The following PPP1R12B variants were observed in gnomAD, a reference collection of about 807,000 sequenced individuals.
PPP1R12B encodes myosin phosphatase target subunit 2.
PPP1R12B carries 76 observed loss-of-function variants against 126.1 expected under a neutral mutation model. The observed-to-expected ratio is 0.60, with a 90% CI of 0.50 to 0.73. PPP1R12B has a LOEUF of 0.73. Ranked by LOEUF, PPP1R12B falls within the 30% of genes least tolerant of loss-of-function variation. The pLI is 0.00. For missense variants in PPP1R12B, 1,052 were observed against 1,205.1 expected (o/e 0.87, Z 1.88); for synonymous variants, 356 against 434.7 (o/e 0.82, Z 2.25).
chr1:202,571,718 A>C (rs1416047324), intron 23 of PPP1R12B, among the ~76,000 whole-genome samples: 2 of 152,190 alleles, frequency 1.3e-5, no homozygotes. Context: ...GGCCTCCCAA[A>C]GTGCTGTGAT....
rs1671279320 is a variant in PPP1R12B at position 202,439,258 on chromosome 1, T to C, written c.1458+1234T>C. On this transcript the variant is annotated intron_variant, in intron 10 of 23. Coordinates refer to ENST00000608999, the MANE Select transcript of PPP1R12B (RefSeq NM_002481.4). ...CATCCAGACAATATCAAGGCTGTCC[T>C]CCACAGAGGCAAGATACTGGCCCAG... The C allele has an allele frequency of 7.2e-6, 10 of 1,390,122 alleles. No individual in the cohort carries two copies. In the Admixed American group the frequency reaches 1.6e-4, roughly 22 times the overall value. The allele number at this position is 1,390,122 out of a possible 1,614,324, so 86.1% of individuals were successfully genotyped here. A position where few individuals can be genotyped will look rare whatever the true frequency, so the allele number is the denominator to read the frequency against.
At chr1:202,562,242 G>A (rs1321264628) in intron 19 of PPP1R12B, among the ~76,000 whole-genome samples, 1 of 152,172 alleles carries the variant, frequency 6.6e-6, no homozygotes, top group Non-Finnish European at 1.5e-5. Context: ...CTAGCTATTT[G>A]GGCACTGTGT....
chr1:202,588,866 GATAGATAT>G lies in PPP1R12B; in HGVS notation c.*8307_*8314del, dbSNP rs1558412799. ...AGATAGATAGATAGATAGATAGATA[GATAGATAT>G]CAAGGTTCCAAGCTTCAAGTAACCA... On this transcript the variant is annotated 3_prime_UTR_variant, in exon 24 of 24. Coordinates refer to ENST00000608999, the MANE Select transcript of PPP1R12B (RefSeq NM_002481.4). The G allele has an allele frequency of 1.4e-5, 2 of 143,434 alleles. No individual in the cohort carries two copies. The highest frequency in any genetic ancestry group is 5.9e-5 in the African/African-American group (2 of 34,120). 8.9% of individuals were successfully genotyped at this position (143,434 alleles called of 1,614,324 possible).
At chr1:202,374,347 T>C (rs1660788643) in intron 1 of PPP1R12B, among the ~76,000 whole-genome samples, 1 of 152,170 alleles carries the variant, frequency 6.6e-6, no homozygotes, top group African/African-American at 2.4e-5. Flanking sequence ...AACTATGTGC[T>C]AGATACCTAG....
intron 23 of PPP1R12B, among the ~76,000 whole-genome samples, chr1:202,571,770 T>C (rs1372327446): frequency 6.6e-6 from 1 of 152,164 alleles, no homozygotes; most frequent in African/African-American, 2.4e-5. Flanking sequence ...CTGATTTTTT[T>C]TTTAGTTAAA....
chr1:202,437,591 G>C (rs535475763), intron 9 of PPP1R12B, among the ~76,000 whole-genome samples: 110 of 152,324 alleles, frequency 7.2e-4, no homozygotes, highest in Non-Finnish European at 1.4e-3. Context: ...TAGGAGCACT[G>C]TGTGAAGAAT....
chr1:202,434,856 A>G (rs1670600762), intron 9 of PPP1R12B, 88 bp downstream of exon 9: 1 of 1,539,276 alleles, frequency 6.5e-7, no homozygotes. Context: ...ACATTCTTGC[A>G]AAATAATAAA....
intron 18 of PPP1R12B, chr1:202,502,371 A>G: frequency 1.0e-6 from 1 of 985,104 alleles, no homozygotes; most frequent in Non-Finnish European, 1.2e-6. Context: ...CACAATTGGA[A>G]TTTGCTAGCA....
intron 1 of PPP1R12B, among the ~76,000 whole-genome samples, chr1:202,354,284 A>T (rs908683594): frequency 5.3e-5 from 8 of 152,184 alleles, no homozygotes; most frequent in Admixed American, 3.3e-4. Flanking sequence ...CCCTCAGCCC[A>T]TGACAGTCAT....
At chr1:202,354,312 C>T (rs1656624410) in intron 1 of PPP1R12B, among the ~76,000 whole-genome samples, 1 of 152,060 alleles carries the variant, frequency 6.6e-6, no homozygotes, top group Non-Finnish European at 1.5e-5. Context: ...TTATTTTGTC[C>T]CAATAATCAC....
At chr1:202,436,166 C>T (rs977463229) in intron 9 of PPP1R12B, among the ~76,000 whole-genome samples, 82 of 151,958 alleles carry the variant, frequency 5.4e-4, no homozygotes, top group African/African-American at 1.6e-3. Context: ...ACTGGGAGGC[C>T]GAGGTGGGAG....
At chr1:202,564,885 G>C (rs938401034) in intron 21 of PPP1R12B, among the ~76,000 whole-genome samples, 2 of 152,082 alleles carry the variant, frequency 1.3e-5, no homozygotes, top group Non-Finnish European at 2.9e-5. Context: ...TTATGTTTCA[G>C]TTCAGTTTAT....
intron 1 of PPP1R12B, among the ~76,000 whole-genome samples, chr1:202,350,613 C>G (rs79173204): frequency 6.6e-6 from 1 of 150,924 alleles, no homozygotes; most frequent in Non-Finnish European, 1.5e-5. Flanking sequence ...TCTTGTTTTT[C>G]TTTTTCTTTT....
At chr1:202,575,220 G>T (rs1688987387) in intron 23 of PPP1R12B, 2 of 1,485,982 alleles carry the variant, frequency 1.3e-6, no homozygotes, top group Admixed American at 4.2e-5. Context: ...GAAGCTCTGT[G>T]CTCATCCCCT....
At chr1:202,558,949 C>A (rs543546638) in intron 19 of PPP1R12B, 56 bp downstream of exon 19, 6 of 1,491,074 alleles carry the variant, frequency 4.0e-6, no homozygotes, top group South Asian at 1.3e-5. Context: ...GAATGCATGT[C>A]GAATTAAACT....
intron 18 of PPP1R12B, among the ~76,000 whole-genome samples, chr1:202,522,529 A>G (rs1377193836): frequency 6.6e-6 from 1 of 152,084 alleles, no homozygotes; most frequent in East Asian, 1.9e-4. Context: ...CTTTCACTCC[A>G]TTCAATAGAG....
chr1:202,482,330 C>T (rs1248340910), intron 13 of PPP1R12B, among the ~76,000 whole-genome samples: 2 of 152,188 alleles, frequency 1.3e-5, no homozygotes, highest in East Asian at 3.8e-4. Flanking sequence ...TCCACAATGG[C>T]TGTACTAGCT....
intron 1 of PPP1R12B, among the ~76,000 whole-genome samples, chr1:202,412,708 A>T (rs868158694): frequency 3.4e-4 from 52 of 152,242 alleles, no homozygotes; most frequent in African/African-American, 1.2e-3. Context: ...AAGGGCAAAG[A>T]GTGTTTTTAG....
At chr1:202,389,174 C>T (rs533405219) in intron 1 of PPP1R12B, among the ~76,000 whole-genome samples, 1 of 151,954 alleles carries the variant, frequency 6.6e-6, no homozygotes, top group African/African-American at 2.4e-5. Flanking sequence ...ATTTTTATAA[C>T]TAGGAAGCAA....
Sources: allele counts gnomAD v4.1 joint callset (sites outside exome capture counted in the v4.1 genomes callset), GRCh38; gene constraint gnomAD v4.1.1; transcripts MANE v1.5; gene names NCBI Gene and HGNC (gene_info 2026-07-23, HGNC 2026-07-21).